EDDM3A: variants seen among roughly 807,000 people sequenced by gnomAD.
EDDM3A encodes epididymal protein 3A, also known as epididymal secretory protein E3-alpha.
For synonymous variants in EDDM3A, 75 were observed against 60.4 expected (o/e 1.24, Z -1.12); for missense variants, 199 against 177.4 (o/e 1.12, Z -0.69).
upstream of EDDM3A, among the ~76,000 whole-genome samples, chr14:20,743,564 A>G (rs2139078121): frequency 6.6e-6 from 1 of 152,286 alleles, no homozygotes; most frequent in African/African-American, 2.4e-5. Flanking sequence ...TAATAAAAGG[A>G]CATATCAAGG....
chr14:20,742,313 G>A (rs1042612734), upstream of EDDM3A, among the ~76,000 whole-genome samples: 1 of 152,228 alleles, frequency 6.6e-6, no homozygotes, highest in Non-Finnish European at 1.5e-5. Flanking sequence ...AATACCACCT[G>A]AGAGAAGAGG....
chr14:20,746,102 C>T (rs1566349031), intron 1 of EDDM3A, 110 bp downstream of exon 1: 1 of 152,252 alleles, frequency 6.6e-6, no homozygotes, highest in Non-Finnish European at 1.5e-5. Flanking sequence ...TCATGGAAAA[C>T]AAAGGTCTGA....
upstream of EDDM3A, among the ~76,000 whole-genome samples, chr14:20,743,407 G>A (rs559795741): frequency 1.8e-4 from 27 of 152,132 alleles, no homozygotes; most frequent in Admixed American, 3.3e-4. Flanking sequence ...AAAATTACCC[G>A]GATGTGTTGG....
chr14:20,747,492 T>G (rs1877630902), intron 1 of EDDM3A, 63 bp from the exon 2 acceptor site: 2 of 1,068,594 alleles, frequency 1.9e-6, no homozygotes, highest in African/African-American at 3.2e-5. Context: ...GAAAGGAATT[T>G]TAAGGTGGAG....
chr14:20,741,394 C>T (rs910347316), upstream of EDDM3A, among the ~76,000 whole-genome samples: 2 of 152,154 alleles, frequency 1.3e-5, no homozygotes, highest in Non-Finnish European at 2.9e-5. Flanking sequence ...ATGGTAGAAA[C>T]AAGGGTGTTC....
Position 20,747,604 on chromosome 14 carries a change from G to T in EDDM3A, c.24G>T (p.Trp8Cys). 6.2e-7 allele frequency: 1 copy of T among 1,609,444 alleles called. No individual in the cohort carries two copies. The highest frequency in any genetic ancestry group is 1.3e-5 in the African/African-American group (1 of 74,786). MTSSLKI[W>C]GILLALLCIL... ...AGATGACATCCTCTCTAAAGATTTG[G>T]GGCATACTCTTGGCCCTGCTTTGCA... Residue 8 changes from tryptophan to cysteine, a missense_variant, in exon 2 of 2, where the codon TGG (tryptophan) becomes TGT (cysteine). Trp to Cys is a radical substitution (Grantham distance 215). Transcript: ENST00000326842.
At position 20,747,639 on chromosome 14, in the gene EDDM3A, G is replaced by A. The variant is rs900323684; in HGVS notation, c.59G>A (p.Arg20Lys). The change falls in exon 2 of 2, where the codon AGG (arginine) becomes AAG (lysine). Residue 20 changes from arginine (R) to lysine (K), a missense_variant. Physicochemically the swap from Arg to Lys is conservative, Grantham distance 26 (BLOSUM62 2). Coordinates refer to ENST00000326842, the MANE Select transcript of EDDM3A (RefSeq NM_006683.5). ...TTGGCCCTGCTTTGCATCCTTTGCA[G>A]GCTGTGTGTATACAGTAACAACATT... Reference protein sequence around the residue: ...ILLALLCILCRLCVYSNNIYW... With the variant: ...ILLALLCILCKLCVYSNNIYW... The A allele has an allele frequency of 1.9e-6, 3 of 1,613,844 alleles. No individual in the cohort carries two copies. The highest frequency in any genetic ancestry group is 2.7e-5 in the African/African-American group (2 of 74,906).
chr14:20,747,813 G>T lies in EDDM3A; in HGVS notation c.233G>T (p.Arg78Leu). Residue 78 changes from arginine (R) to leucine (L), a missense_variant, in exon 2 of 2, where the codon CGT becomes CTT. By Grantham distance (102) the Arg-to-Leu change is moderately radical. Transcript: ENST00000326842. ...FIYSLWFKIQ[R>L]ACINEKGSDR... ...TATAGCTTATGGTTCAAAATTCAGC[G>T]TGCATGCATCAATGAGAAGGGGAGC... 1 of 1,614,130 alleles carries T rather than the reference G, an allele frequency of 6.2e-7. No individual in the cohort carries two copies. The highest frequency in any genetic ancestry group is 8.5e-7 in the Non-Finnish European group (1 of 1,180,010).
At chr14:20,736,797 T>C in the EDDM3A span, among the ~76,000 whole-genome samples, 2 of 152,024 alleles carry the variant, frequency 1.3e-5, no homozygotes, top group Non-Finnish European at 2.9e-5. Flanking sequence ...TGTAATCTCC[T>C]CCTGCTGGGT....
rs75689457 is a variant in EDDM3A at position 20,746,866 on chromosome 14, A to G, written c.-26-689A>G. Among the ~76,000 whole-genome samples the G allele has an allele frequency of 2.8e-3, 422 of 152,244 alleles. 1 individual carries two copies. The highest frequency in any genetic ancestry group is 8.4e-3 in the Admixed American group (128 of 15,300). On this transcript the variant is annotated intron_variant, in intron 1 of 1. Transcript: ENST00000326842. ...TTCTACATTCCCTTAAAATGCAACA[A>G]TCTTTTCCACTTTGCAGACAATACG...
upstream of EDDM3A, among the ~76,000 whole-genome samples, chr14:20,745,260 G>C (rs8003029): frequency 0.73 from 109,451 of 150,172 alleles, 40,095 homozygotes; most frequent in East Asian, 0.99. Flanking sequence ...GGCACAGCGA[G>C]TCACACCTGT....
At chr14:20,736,755 G>C in the EDDM3A span, among the ~76,000 whole-genome samples, 1 of 152,120 alleles carries the variant, frequency 6.6e-6, no homozygotes, top group Admixed American at 6.5e-5. Context: ...CTGTCACCCA[G>C]GCTGGAGTGC....
In EDDM3A at chr14:20,748,027, A is replaced by T. The variant is rs537365350; in HGVS notation, c.*3A>T. On this transcript the variant is annotated 3_prime_UTR_variant, in exon 2 of 2. Transcript: ENST00000326842. ...TTATAGAACCTATCAGCAACTAGAA[A>T]GTCTATGCACATCCTCAGATATTGG... 1 of 1,588,514 alleles carries T rather than the reference A, an allele frequency of 6.3e-7. No homozygotes were observed. The highest frequency in any genetic ancestry group is 8.6e-7 in the Non-Finnish European group (1 of 1,167,542).
At chr14:20,739,605 C>T in the EDDM3A span, among the ~76,000 whole-genome samples, 3 of 152,192 alleles carry the variant, frequency 2.0e-5, no homozygotes, top group Non-Finnish European at 4.4e-5. Context: ...TTGTGTTGCT[C>T]TGCATCCTCA....
upstream of EDDM3A, among the ~76,000 whole-genome samples, chr14:20,742,420 C>T (rs544729430): frequency 1.3e-5 from 2 of 152,370 alleles, no homozygotes; most frequent in South Asian, 2.1e-4. Flanking sequence ...ATCTGGACTT[C>T]TCTTAACTGA....
the EDDM3A span, among the ~76,000 whole-genome samples, chr14:20,740,107 C>G: frequency 6.6e-6 from 1 of 152,182 alleles, no homozygotes; most frequent in African/African-American, 2.4e-5. Context: ...CCTCACAAAC[C>G]CTACCCTAAA....
rs775569993 is a variant in EDDM3A, at chr14:20,747,586, A to G, written c.6A>G (p.Thr2=). The G allele has an allele frequency of 6.3e-7, 1 of 1,598,978 alleles. No individual in the cohort carries two copies. Among genetic ancestry groups the G allele is most frequent in the East Asian group, 2.2e-5 (1 of 44,722 alleles). ...AGGTGGACGTGGTGACTGAGATGAC[A>G]TCCTCTCTAAAGATTTGGGGCATAC... M[T]SSLKIWGILL... Residue 2 remains threonine (T), a synonymous_variant, in exon 2 of 2, where the codon ACA becomes ACG. Coordinates refer to ENST00000326842, the MANE Select transcript of EDDM3A (RefSeq NM_006683.5).
intron 1 of EDDM3A, among the ~76,000 whole-genome samples, chr14:20,747,272 T>C (rs1877623132): frequency 6.6e-6 from 1 of 152,018 alleles, no homozygotes; most frequent in Non-Finnish European, 1.5e-5. Flanking sequence ...ACTTTTTGTA[T>C]TTTAGTAGAG....
rs561148669 is a variant in EDDM3A, at chr14:20,747,558, C to A, written c.-23C>A. 2.2e-5 allele frequency: 35 copies of A among 1,559,060 alleles called. No homozygotes were observed. The highest frequency in any genetic ancestry group is 3.0e-5 in the Non-Finnish European group (35 of 1,149,312). On this transcript the variant is annotated 5_prime_UTR_variant, in exon 2 of 2. Transcript: ENST00000326842. ...CTTTTCTTTCTCTTCCCTGTAGACA[C>A]GCAGGTGGACGTGGTGACTGAGATG...
Sources: gnomAD v4.1 joint callset for allele counts (sites outside exome capture counted in the v4.1 genomes callset) on GRCh38, gnomAD v4.1.1 for gene constraint, MANE v1.5 for transcripts, NCBI Gene and HGNC (gene_info 2026-07-23, HGNC 2026-07-21) for gene names.